The following HSP90AB1 variants were observed in gnomAD, a reference collection of about 807,000 sequenced individuals.
The protein encoded by HSP90AB1 is heat shock protein HSP 90-beta.
Under a neutral mutation model 67.8 loss-of-function variants are expected in HSP90AB1, and 17 were observed. The observed-to-expected ratio is 0.25, with a 90% confidence interval of 0.17 to 0.38. HSP90AB1 has a LOEUF of 0.38. HSP90AB1 is among the 10% of genes least tolerant of loss of function. HSP90AB1 has a pLI of 1.00. For missense variants in HSP90AB1, 690 were observed against 899.9 expected (o/e 0.77, Z 2.98); for synonymous variants, 390 against 312.9 (o/e 1.25, Z -2.60).
chr6:44,248,854 C>T, intron 2 of HSP90AB1, 78 bp downstream of exon 2: 2 of 1,362,878 alleles, frequency 1.5e-6, no homozygotes, highest in African/African-American at 2.9e-5. Flanking sequence ...GTGGTTTGGC[C>T]TTTGTTGGGG....
At chr6:44,251,629 T>C (rs527877100) in intron 8 of HSP90AB1, 21 bp downstream of exon 8, 1 of 1,592,186 alleles carries the variant, frequency 6.3e-7, no homozygotes, top group South Asian at 1.1e-5. Flanking sequence ...AAATAATGCT[T>C]ATTCCCTTTA....
Position 44,251,531 on chromosome 6 carries a change from C to G in HSP90AB1, c.1237C>G (p.Leu413Val). 1 of 1,611,844 alleles carries G rather than the reference C, an allele frequency of 6.2e-7. No homozygotes were observed. The highest frequency in any genetic ancestry group is 8.5e-7 in the Non-Finnish European group (1 of 1,178,240). The change falls in exon 8 of 12, where the codon CTT (leucine) becomes GTT (valine). Residue 413 changes from leucine to valine, a missense_variant. Coordinates refer to ENST00000371646, the MANE Select transcript of HSP90AB1 (RefSeq NM_007355.4). Reference sequence around the variant, plus strand: ...TCGCAAAAACATTGTTAAGAAGTGCCTTGAGCTCTTCTCTGAGCTGGCAGA... The same window carrying G: ...TCGCAAAAACATTGTTAAGAAGTGCGTTGAGCTCTTCTCTGAGCTGGCAGA... ...VIRKNIVKKCLELFSELAEDK... is the reference protein window; with the variant it reads ...VIRKNIVKKCVELFSELAEDK...
At position 44,252,154 on chromosome 6, in the gene HSP90AB1, G is replaced by A. The variant is rs1268337774; in HGVS notation, c.1618G>A (p.Gly540Ser). 6.2e-7 allele frequency: 1 copy of A among 1,614,136 alleles called. No individual in the cohort carries two copies. The highest frequency in any genetic ancestry group is 1.7e-5 in the Admixed American group (1 of 60,020). The change falls in exon 10 of 12, where the codon GGT becomes AGT. Residue 540 changes from glycine to serine, a missense_variant. Gly to Ser is a moderately conservative substitution (Grantham distance 56). This residue lies in a region of HSP90AB1 where 206 missense variants were observed against 221.4 expected (regional missense o/e 0.93). Coordinates refer to ENST00000371646, the MANE Select transcript of HSP90AB1 (RefSeq NM_007355.4). ...GKSLVSVTKE[G>S]LELPEDEEEK... The stretch of plus-strand genomic sequence containing the variant: ...GAGCCTGGTCTCAGTTACCAAGGAG[G>A]GTCTGGAGCTGCCTGAGGATGAGGA...
At position 44,249,482 on chromosome 6, in the gene HSP90AB1, A is replaced by G; in HGVS notation, c.253A>G (p.Thr85Ala). 6.2e-7 allele frequency: 1 copy of G among 1,614,106 alleles called. No individual in the cohort carries two copies. The highest frequency in any genetic ancestry group is 1.1e-5 in the South Asian group (1 of 91,084). Residue 85 changes from threonine (T) to alanine (A), a missense_variant, in exon 3 of 12, where the codon ACT becomes GCT. By Grantham distance (58) the Thr-to-Ala change is moderately conservative (BLOSUM62 0). Coordinates refer to ENST00000371646, the MANE Select transcript of HSP90AB1 (RefSeq NM_007355.4). Reference sequence around the variant, plus strand: ...CCCCAACCCTCAGGAACGTACCCTGACTTTGGTAGACACAGGCATTGGCAT... The same window carrying G: ...CCCCAACCCTCAGGAACGTACCCTGGCTTTGGTAGACACAGGCATTGGCAT... ...IIPNPQERTL[T>A]LVDTGIGMTK...
At chr6:44,252,644 C>A (rs75933449) in intron 10 of HSP90AB1, among the ~76,000 whole-genome samples, 2 of 152,138 alleles carry the variant, frequency 1.3e-5, no homozygotes, top group East Asian at 3.9e-4. Context: ...TACAGGCGCC[C>A]GCCACCACAC....
At chr6:44,251,281 A>T in intron 7 of HSP90AB1, 68 bp downstream of exon 7, 1 of 1,575,932 alleles carries the variant, frequency 6.3e-7, no homozygotes, top group Non-Finnish European at 8.7e-7. Context: ...CTGCTAGGAT[A>T]TTCTAAGGTA....
chr6:44,252,988 CCT>C (rs1780920370), intron 10 of HSP90AB1, 55 bp from the exon 11 acceptor site: 1 of 1,429,144 alleles, frequency 7.0e-7, no homozygotes, highest in Non-Finnish European at 9.8e-7. Flanking sequence ...CTTGACAATG[CCT>C]GTTTTCTCTT....
chr6:44,250,393 G>A lies in HSP90AB1; in HGVS notation c.751G>A (p.Glu251Lys), dbSNP rs772738556. 4 of 1,613,390 alleles carry A rather than the reference G, an allele frequency of 2.5e-6. No individual in the cohort carries two copies. The highest frequency in any genetic ancestry group is 1.6e-4 in the Middle Eastern group (1 of 6,082). Residue 251 changes from glutamate (E) to lysine (K), a missense_variant, in exon 6 of 12, where the codon GAA becomes AAA. Coordinates refer to ENST00000371646, the MANE Select transcript of HSP90AB1 (RefSeq NM_007355.4). ...DKDDEEKPKI[E>K]DVGSDEEDDS... is the part of the protein sequence containing the mutation. ...AGATGATGAAGAAAAACCCAAGATC[G>A]AAGATGTGGGTTCAGATGAGGAGGA... is the stretch of plus-strand genomic sequence containing the variant.
At position 44,253,861 on chromosome 6, in the gene HSP90AB1, AAAG is replaced by A. The variant is rs1561904010; in HGVS notation, c.*266_*268del. On this transcript the variant is annotated 3_prime_UTR_variant, in exon 12 of 12. Coordinates refer to ENST00000371646, the MANE Select transcript of HSP90AB1 (RefSeq NM_007355.4). ...GTTCTGAAATTAAAGTATGCAAAAT[AAAG>A]AATATGCCGTTTTTATACAGTTCTG... is the stretch of plus-strand genomic sequence containing the variant. The A allele has an allele frequency of 2.8e-6, 2 of 709,696 alleles. No homozygotes were observed. The highest frequency in any genetic ancestry group is 2.8e-5 in the East Asian group (1 of 35,668). The allele number at this position is 709,696 out of a possible 1,614,324, so 44.0% of individuals were successfully genotyped here. A position where few individuals can be genotyped will look rare whatever the true frequency, so the allele number is the denominator to read the frequency against.
chr6:44,249,353 G>A, intron 2 of HSP90AB1, 24 bp from the exon 3 acceptor site: 2 of 1,590,870 alleles, frequency 1.3e-6, no homozygotes, highest in Admixed American at 1.7e-5. Context: ...AAGAGCAAAA[G>A]TAAGTTGCTG....
rs756756248 is a variant in HSP90AB1, at chr6:44,250,096, G to C, written c.590G>C (p.Arg197Pro). 1 of 1,614,028 alleles carries C rather than the reference G, an allele frequency of 6.2e-7. No individual in the cohort carries two copies. The highest frequency in any genetic ancestry group is 1.1e-5 in the South Asian group (1 of 91,086). The change falls in exon 5 of 12, where the codon CGG becomes CCG. Residue 197 changes from arginine (R) to proline (P), a missense_variant. Arg to Pro is a moderately radical substitution (Grantham distance 103). This residue lies in a region of HSP90AB1 where 146 missense variants were observed against 143.7 expected (regional missense o/e 1.02). Coordinates refer to ENST00000371646, the MANE Select transcript of HSP90AB1 (RefSeq NM_007355.4). ...EDQTEYLEERRVKEVVKKHSQ... is the reference protein window; with the variant it reads ...EDQTEYLEERPVKEVVKKHSQ... The stretch of plus-strand genomic sequence containing the variant: ...CAGACAGAGTACCTAGAAGAGAGGC[G>C]GGTCAAAGAAGTAGTGAAGAAGCAT...
rs768710801 is a variant in HSP90AB1 at position 44,251,509 on chromosome 6, C to T, written c.1215C>T (p.Arg405=). The T allele has an allele frequency of 1.9e-6, 3 of 1,612,006 alleles. No individual in the cohort carries two copies. Among genetic ancestry groups the T allele is most frequent in the African/African-American group, 2.7e-5 (2 of 74,832 alleles). Residue 405 remains arginine (R), a synonymous_variant, in exon 8 of 12, where the codon CGC becomes CGT. Coordinates refer to ENST00000371646, the MANE Select transcript of HSP90AB1 (RefSeq NM_007355.4). ...AGAGCAAAATCTTGAAAGTCATTCG[C>T]AAAAACATTGTTAAGAAGTGCCTTG... is the stretch of plus-strand genomic sequence containing the variant. ...LQQSKILKVI[R]KNIVKKCLEL...
At chr6:44,250,926 C>CTT in intron 6 of HSP90AB1, 122 bp from the exon 7 acceptor site, 1 of 847,522 alleles carries the variant, frequency 1.2e-6, no homozygotes, top group Non-Finnish European at 1.9e-6. Flanking sequence ...TCAGGAGCTG[C>CTT]TTGTTGTGTG....
intron 6 of HSP90AB1, 139 bp from the exon 7 acceptor site, chr6:44,250,907 TCA>T: frequency 1.3e-6 from 1 of 748,738 alleles, no homozygotes; most frequent in Admixed American, 2.3e-5. Context: ...GCATTAAGGC[TCA>T]GTTTTCTCAG....
intron 10 of HSP90AB1, 69 bp downstream of exon 10, chr6:44,252,336 C>T (rs1780745366): frequency 2.1e-6 from 3 of 1,462,226 alleles, no homozygotes; most frequent in South Asian, 2.4e-5. Context: ...AAGCATGTTT[C>T]TATACAATTA....
chr6:44,253,465 T>C (rs1561902834), intron 11 of HSP90AB1, 24 bp from the exon 12 acceptor site: 1 of 1,609,704 alleles, frequency 6.2e-7, no homozygotes, highest in Non-Finnish European at 8.5e-7. Context: ...TGGTCAAGTC[T>C]CACATGGCTT....
At position 44,249,204 on chromosome 6, in the gene HSP90AB1, GGCAT is replaced by G. The variant is rs371801142; in HGVS notation, c.148-171_148-168del. Among the ~76,000 whole-genome samples the G allele has an allele frequency of 2.3e-3, 347 of 152,342 alleles. 2 individuals carry two copies. Among genetic ancestry groups the G allele is most frequent in the African/African-American group, 7.6e-3 (318 of 41,574 alleles). On this transcript the variant is annotated intron_variant, in intron 2 of 11. Coordinates refer to ENST00000371646, the MANE Select transcript of HSP90AB1 (RefSeq NM_007355.4). ...AAATTAAATATTAGTTGGGCACGGT[GGCAT>G]GTGCCTGTAGTCCCAGCTACTTGGG... is the stretch of plus-strand genomic sequence containing the variant.
At chr6:44,246,628 C>T (rs1779936838), upstream of HSP90AB1, among the ~76,000 whole-genome samples, 1 of 152,230 alleles carries the variant, frequency 6.6e-6, no homozygotes, top group South Asian at 2.1e-4. Flanking sequence ...GGTTGGGTCC[C>T]GAATGCCAGT....
At position 44,249,954 on chromosome 6, in the gene HSP90AB1, T is replaced by C. The variant is rs1780433999; in HGVS notation, c.515-67T>C. 1.9e-6 allele frequency: 3 copies of C among 1,595,588 alleles called. No homozygotes were observed. In the South Asian group the frequency reaches 3.3e-5, roughly 18 times the overall value. ...TCTTCACAGCAGTTCTGCTGATACT[T>C]ACTAATTGCTGGTCTCAACTGCATA... On this transcript the variant is annotated intron_variant, in intron 4 of 11. Coordinates refer to ENST00000371646, the MANE Select transcript of HSP90AB1 (RefSeq NM_007355.4).
Sources: allele counts gnomAD v4.1 joint callset (sites outside exome capture counted in the v4.1 genomes callset), GRCh38; gene constraint gnomAD v4.1.1; regional missense constraint gnomAD v4.1.1; transcripts MANE v1.5; gene names NCBI Gene and HGNC (gene_info 2026-07-23, HGNC 2026-07-21).